The following PIK3R6 variants were observed in gnomAD, a reference collection of about 807,000 sequenced individuals.
The protein encoded by PIK3R6 is phosphoinositide 3-kinase regulatory subunit 6.
PIK3R6 carries 91 observed loss-of-function variants against 84.9 expected under a neutral mutation model. The ratio of observed to expected loss-of-function variants is 1.07; its 90% CI spans 0.90 to 1.28. The LOEUF (loss-of-function observed/expected upper bound fraction) is 1.28. PIK3R6 is among the 50% of genes most tolerant of loss of function. PIK3R6 has a pLI of 0.00. For missense variants in PIK3R6, 996 were observed against 985.1 expected (o/e 1.01, Z -0.15); for synonymous variants, 416 against 411.4 (o/e 1.01, Z -0.13).
At chr17:8,819,990 C>G (rs911021297) in intron 17 of PIK3R6, among the ~76,000 whole-genome samples, 1 of 148,190 alleles carries the variant, frequency 6.7e-6, no homozygotes, top group Non-Finnish European at 1.5e-5. Context: ...CTCTGTTGCC[C>G]AGGCTGTAGT....
chr17:8,804,675 A>G (rs2087147021), intron 18 of PIK3R6, among the ~76,000 whole-genome samples: 1 of 152,036 alleles, frequency 6.6e-6, no homozygotes, highest in South Asian at 2.1e-4. Flanking sequence ...CATCCTTATA[A>G]CTCCTGACCT....
At chr17:8,851,476 G>C (rs951394753) in intron 1 of PIK3R6, among the ~76,000 whole-genome samples, 1 of 152,132 alleles carries the variant, frequency 6.6e-6, no homozygotes, top group Non-Finnish European at 1.5e-5. Context: ...CAGCCTGGGC[G>C]ACAGAGTGAG....
At chr17:8,831,093 C>T (rs1435944588) in intron 9 of PIK3R6, among the ~76,000 whole-genome samples, 2 of 135,510 alleles carry the variant, frequency 1.5e-5, no homozygotes, top group South Asian at 2.3e-4. Context: ...TTGCAGTGAG[C>T]GGAGATTGAG....
rs551071961 is a variant in PIK3R6, at chr17:8,823,100, G to A, written c.1627-14C>T. On this transcript the variant is annotated splice_polypyrimidine_tract_variant and intron_variant, in intron 14 of 19. Transcript: ENST00000619866. ...ACTGAAAAAGATCTGGAGAGAGGAA[G>A]GGAGGGTGGCATTTCCTGGTGTGAT... 2.6e-6 allele frequency: 4 copies of A among 1,560,908 alleles called. No individual in the cohort carries two copies. The African/African-American group carries it at 4.1e-5, about 16-fold the overall frequency.
In PIK3R6 at chr17:8,835,095, C is replaced by T. The variant is rs150744097; in HGVS notation, c.645+178G>A. ...TCAGGTGATACACCCGCCTCAGCCT[C>T]CCAAAGTGCTGGGGTTATAGGTGTG... On this transcript the variant is annotated intron_variant, in intron 8 of 19. Transcript: ENST00000619866. Among the ~76,000 whole-genome samples, 942 of 152,276 alleles carry T rather than the reference C, an allele frequency of 6.2e-3. 11 individuals are homozygous for T. The highest frequency in any genetic ancestry group is 0.022 in the African/African-American group (895 of 41,568).
In PIK3R6 at chr17:8,862,034, A is replaced by T. The variant is rs749909501; in HGVS notation, c.-92+5495T>A. On this transcript the variant is annotated intron_variant, in intron 1 of 19. Coordinates refer to ENST00000619866, the MANE Select transcript of PIK3R6 (RefSeq NM_001010855.4). This position sits in a 1 kb window ranked among gnomAD's most constrained non-coding sequence, Gnocchi z 4.3. ...AGTGTATGATAAGTGCTTCATTAAGATAGAAAGGGCATTAAATGTGTGGGT... is the reference window on the plus strand; with the variant it reads ...AGTGTATGATAAGTGCTTCATTAAGTTAGAAAGGGCATTAAATGTGTGGGT... 3.9e-5 allele frequency among the ~76,000 whole-genome samples: 6 copies of T among 152,206 alleles called. No homozygotes were observed. Among genetic ancestry groups the T allele is most frequent in the Admixed American group, 6.5e-5 (1 of 15,286 alleles).
chr17:8,803,596 C>G lies in PIK3R6; in HGVS notation c.2109-167G>C. ...AAGAGTCAGGACAAGAAAGAAAAACCTGGGCCTGGGGTTCACCGGGAGAGG... is the reference window on the plus strand; with the variant it reads ...AAGAGTCAGGACAAGAAAGAAAAACGTGGGCCTGGGGTTCACCGGGAGAGG... On this transcript the variant is annotated intron_variant, in intron 19 of 19. Coordinates refer to ENST00000619866, the MANE Select transcript of PIK3R6 (RefSeq NM_001010855.4). This position sits in a 1 kb window ranked among gnomAD's most constrained non-coding sequence, Gnocchi z 5.0. The G allele has an allele frequency of 4.3e-6, 3 of 690,706 alleles. No homozygotes were observed. The highest frequency in any genetic ancestry group is 2.2e-5 in the South Asian group (1 of 46,490). The allele number at this position is 690,706 out of a possible 1,614,324, so 42.8% of individuals were successfully genotyped here. A position where few individuals can be genotyped will look rare whatever the true frequency, so the allele number is the denominator to read the frequency against.
chr17:8,861,892 A>T (rs2089295391), intron 1 of PIK3R6, among the ~76,000 whole-genome samples: 1 of 152,244 alleles, frequency 6.6e-6, no homozygotes, highest in Admixed American at 6.5e-5. Flanking sequence ...AAAAAGTCGT[A>T]TGTTGAAGTA....
intron 18 of PIK3R6, among the ~76,000 whole-genome samples, chr17:8,814,077 C>G (rs1451371547): frequency 1.3e-5 from 2 of 152,132 alleles, no homozygotes; most frequent in Admixed American, 1.3e-4. Flanking sequence ...AAAAACAAAA[C>G]TATCCTAGCA....
intron 2 of PIK3R6, among the ~76,000 whole-genome samples, chr17:8,849,570 A>C (rs2088892204): frequency 6.6e-6 from 1 of 152,266 alleles, no homozygotes; most frequent in African/African-American, 2.4e-5. Context: ...TGTCAAGCTC[A>C]GTGTCCAGCG....
intron 14 of PIK3R6, 139 bp from the exon 15 acceptor site, chr17:8,823,225 A>G (rs1347291118): frequency 2.4e-5 from 20 of 817,800 alleles, no homozygotes; most frequent in Non-Finnish European, 3.6e-5. Context: ...CTTGAAGTTA[A>G]TAATGATCTG....
intron 18 of PIK3R6, among the ~76,000 whole-genome samples, chr17:8,812,781 T>C (rs2087396159): frequency 6.6e-6 from 1 of 152,166 alleles, no homozygotes; most frequent in South Asian, 2.1e-4. Context: ...TTTATAGTGT[T>C]AAATGCCTAT....
chr17:8,828,982 G>A lies in PIK3R6; in HGVS notation c.898C>T (p.Leu300=), dbSNP rs1034687034. 10 of 1,497,960 alleles carry A rather than the reference G, an allele frequency of 6.7e-6. No individual in the cohort carries two copies. The Admixed American group carries it at 1.9e-4, about 29-fold the overall frequency. 92.8% of individuals were successfully genotyped at this position (1,497,960 alleles called of 1,614,324 possible). Reference sequence around the variant, plus strand: ...GATCTTGGGCGGAGGAAGAGCACCAGTTCCTTCCCTGGGGTGGGGGAACAA... The same window carrying A: ...GATCTTGGGCGGAGGAAGAGCACCAATTCCTTCCCTGGGGTGGGGGAACAA... ...WTGEEQLWKE[L]VLFLRPRSQL... Residue 300 remains leucine (L), a synonymous_variant, in exon 11 of 20, where the codon CTG becomes TTG. Transcript: ENST00000619866.
intron 1 of PIK3R6, among the ~76,000 whole-genome samples, chr17:8,851,595 T>C (rs2088972849): frequency 6.6e-6 from 1 of 152,236 alleles, no homozygotes; most frequent in African/African-American, 2.4e-5. Flanking sequence ...GGAGTCCCCC[T>C]GCTTTCCAGT....
At chr17:8,823,613 G>A in intron 13 of PIK3R6, 116 bp from the exon 14 acceptor site, 1 of 692,878 alleles carries the variant, frequency 1.4e-6, no homozygotes, top group South Asian at 1.8e-5. Context: ...CTAACCCAGT[G>A]CGTCCTTCAA....
chr17:8,844,066 C>T lies in PIK3R6; in HGVS notation c.14-4369G>A, dbSNP rs181027757. 8.5e-5 allele frequency among the ~76,000 whole-genome samples: 13 copies of T among 152,294 alleles called. No homozygotes were observed. Among genetic ancestry groups the T allele is most frequent in the African/African-American group, 3.1e-4 (13 of 41,548 alleles). ...GTTCCAGGGAATGAGGAAAATCAGA[C>T]CGGCTGGGACAAAGCTTACCAGTGG... On this transcript the variant is annotated intron_variant, in intron 2 of 19. Transcript: ENST00000619866. The surrounding 1 kb of genome is among the most constrained non-coding windows in gnomAD (Gnocchi z 4.5).
At chr17:8,832,838 A>G (rs1180332077) in intron 9 of PIK3R6, 51 bp downstream of exon 9, 2 of 1,609,526 alleles carry the variant, frequency 1.2e-6, no homozygotes, top group Non-Finnish European at 1.7e-6. Flanking sequence ...CTGTGCAGTG[A>G]GCTGCCCCCG....
chr17:8,838,014 T>C, intron 4 of PIK3R6, 143 bp from the exon 5 acceptor site: 2 of 695,936 alleles, frequency 2.9e-6, no homozygotes, highest in Admixed American at 2.2e-5. Flanking sequence ...CTGCTCTGGA[T>C]AGAGGAGTGG....
At chr17:8,863,441 G>A (rs534449316) in intron 1 of PIK3R6, among the ~76,000 whole-genome samples, 1 of 152,130 alleles carries the variant, frequency 6.6e-6, no homozygotes, top group South Asian at 2.1e-4. Flanking sequence ...ACCCTAATGT[G>A]CAATGAATCT....
Sources: allele counts gnomAD v4.1 joint callset (sites outside exome capture counted in the v4.1 genomes callset), GRCh38; gene constraint gnomAD v4.1.1; non-coding constraint Gnocchi (gnomAD v3.1); transcripts MANE v1.5; gene names NCBI Gene and HGNC (gene_info 2026-07-23, HGNC 2026-07-21).